The following TBC1D5 variants were observed in gnomAD, a reference collection of about 807,000 sequenced individuals.
TBC1D5 encodes TBC1 domain family member 5, also known as TBC1 domain family, member 5.
In TBC1D5, 75 loss-of-function variants were observed where a neutral mutation model predicts 100.3. The ratio of observed to expected loss-of-function variants is 0.75; its 90% CI spans 0.62 to 0.91. The LOEUF (loss-of-function observed/expected upper bound fraction) is 0.91. Among genes scored for constraint, TBC1D5 ranks in the 40% least tolerant of loss-of-function variants. The pLI is 0.00. For missense variants in TBC1D5, 910 were observed against 942.4 expected (o/e 0.97, Z 0.45); for synonymous variants, 323 against 325.6 (o/e 0.99, Z 0.09).
intron 13 of TBC1D5, among the ~76,000 whole-genome samples, chr3:17,316,503 G>A (rs528850048): frequency 6.6e-6 from 1 of 152,236 alleles, no homozygotes; most frequent in Admixed American, 6.5e-5. Flanking sequence ...GGGACCTTAG[G>A]TTAAGAACTG....
At chr3:17,472,195 G>C (rs1398420297) in intron 3 of TBC1D5, among the ~76,000 whole-genome samples, 1 of 150,406 alleles carries the variant, frequency 6.6e-6, no homozygotes, top group African/African-American at 2.5e-5. Context: ...CTGGAGTGCA[G>C]TGATGTGATC....
intron 2 of TBC1D5, among the ~76,000 whole-genome samples, chr3:17,573,433 T>C (rs1445602022): frequency 6.6e-6 from 1 of 152,084 alleles, no homozygotes; most frequent in Non-Finnish European, 1.5e-5. Flanking sequence ...ATTCCTGTAG[T>C]AGATCACAAT....
At chr3:17,295,140 A>G (rs913960942) in intron 14 of TBC1D5, among the ~76,000 whole-genome samples, 1 of 152,244 alleles carries the variant, frequency 6.6e-6, no homozygotes, top group Non-Finnish European at 1.5e-5. Context: ...AAAATAGTGA[A>G]GGCACATTCT....
intron 16 of TBC1D5, among the ~76,000 whole-genome samples, chr3:17,254,961 G>GA (rs1263665780): frequency 1.3e-5 from 2 of 152,148 alleles, no homozygotes; most frequent in Non-Finnish European, 2.9e-5. Context: ...AGTTCTGTTT[G>GA]AAAAATACTA....
intron 18 of TBC1D5, among the ~76,000 whole-genome samples, chr3:17,207,782 C>G (rs542316092): frequency 6.6e-6 from 1 of 152,130 alleles, no homozygotes; most frequent in Non-Finnish European, 1.5e-5. Flanking sequence ...TTCTCAAAAC[C>G]GTTACAAGCA....
intron 2 of TBC1D5, among the ~76,000 whole-genome samples, chr3:17,615,811 A>G (rs1367009648): frequency 6.6e-6 from 1 of 152,016 alleles, no homozygotes; most frequent in Non-Finnish European, 1.5e-5. Context: ...CGGTCTATCA[A>G]TTTTGTTGAT....
intron 3 of TBC1D5, among the ~76,000 whole-genome samples, chr3:17,493,801 T>G (rs2095668180): frequency 6.6e-6 from 1 of 152,206 alleles, no homozygotes. Context: ...CTCTCTAAAC[T>G]GGCTATTTTG....
chr3:17,298,617 G>A (rs1347860149), intron 14 of TBC1D5, among the ~76,000 whole-genome samples: 1 of 152,128 alleles, frequency 6.6e-6, no homozygotes, highest in Non-Finnish European at 1.5e-5. Context: ...GTATATGAGG[G>A]AGTCACCAAG....
At chr3:17,235,783 A>G (rs563883464) in intron 17 of TBC1D5, among the ~76,000 whole-genome samples, 1 of 152,176 alleles carries the variant, frequency 6.6e-6, no homozygotes, top group South Asian at 2.1e-4. Context: ...AGCAAACTAC[A>G]CTATCTTCTA....
intron 13 of TBC1D5, among the ~76,000 whole-genome samples, chr3:17,336,388 A>C (rs113931603): frequency 1.3e-5 from 2 of 152,006 alleles, no homozygotes; most frequent in African/African-American, 4.8e-5. Context: ...AAACAACTAA[A>C]CGGTATCTTA....
intron 1 of TBC1D5, among the ~76,000 whole-genome samples, chr3:17,704,834 C>T (rs199896022): frequency 0.28 from 17,894 of 63,036 alleles, 1,190 homozygotes; most frequent in East Asian, 0.65. Flanking sequence ...GGCTGACCCC[C>T]CCACCTCCCT....
At chr3:17,194,659 T>C (rs75241319) in intron 18 of TBC1D5, among the ~76,000 whole-genome samples, 2 of 152,348 alleles carry the variant, frequency 1.3e-5, no homozygotes, top group African/African-American at 4.8e-5. Context: ...CTTCCATAAT[T>C]CATGGTATTT....
chr3:17,460,355 T>A (rs1211829483), intron 3 of TBC1D5, among the ~76,000 whole-genome samples: 1 of 152,158 alleles, frequency 6.6e-6, no homozygotes, highest in Non-Finnish European at 1.5e-5. Context: ...TCCTTCCACA[T>A]CTTTGGGGAT....
intron 17 of TBC1D5, among the ~76,000 whole-genome samples, chr3:17,236,965 C>T (rs2075908186): frequency 6.6e-6 from 1 of 152,116 alleles, no homozygotes; most frequent in Non-Finnish European, 1.5e-5. Flanking sequence ...TAATACTCAA[C>T]ATTTGTATCA....
chr3:17,689,365 C>T (rs2070759817), intron 1 of TBC1D5, among the ~76,000 whole-genome samples: 1 of 151,800 alleles, frequency 6.6e-6, no homozygotes. Context: ...TGGCGAAACC[C>T]CGTCTATTCT....
At chr3:17,388,558 A>G (rs576199928) in intron 8 of TBC1D5, among the ~76,000 whole-genome samples, 1 of 152,094 alleles carries the variant, frequency 6.6e-6, no homozygotes, top group East Asian at 1.9e-4. Flanking sequence ...CTTTAAAAAC[A>G]TAACCATAGG....
intron 16 of TBC1D5, among the ~76,000 whole-genome samples, chr3:17,258,256 T>C (rs1465918502): frequency 6.6e-6 from 1 of 152,166 alleles, no homozygotes; most frequent in Non-Finnish European, 1.5e-5. Flanking sequence ...TTTATTCATG[T>C]TAGAAAAATG....
At chr3:17,174,604 T>C (rs2067511555) in intron 19 of TBC1D5, among the ~76,000 whole-genome samples, 1 of 152,106 alleles carries the variant, frequency 6.6e-6, no homozygotes, top group African/African-American at 2.4e-5. Flanking sequence ...GTTGTTGTTG[T>C]TGTTTTTGAG....
At position 17,492,517 on chromosome 3, in the gene TBC1D5, C is replaced by T. The variant is rs538998789; in HGVS notation, c.97+15957G>A. ...TGGCACAACCTTGGCTCACCACAAC[C>T]TCCATGTCCGGGATTCAAGTGAATC... On this transcript the variant is annotated intron_variant, in intron 3 of 21. Transcript: ENST00000253692. Among the ~76,000 whole-genome samples, 5 of 152,250 alleles carry T rather than the reference C, an allele frequency of 3.3e-5. No homozygotes were observed. The South Asian group carries it at 8.3e-4, about 25-fold the overall frequency.
Sources: allele counts gnomAD v4.1 joint callset (sites outside exome capture counted in the v4.1 genomes callset), GRCh38; gene constraint gnomAD v4.1.1; transcripts MANE v1.5; gene names NCBI Gene and HGNC (gene_info 2026-07-23, HGNC 2026-07-21).